The following C1orf198 variants were observed in gnomAD, a reference collection of about 807,000 sequenced individuals.
C1orf198 encodes the protein chromosome 1 open reading frame 198, also known as uncharacterized protein C1orf198.
Under a neutral mutation model 31.4 loss-of-function variants are expected in C1orf198, and 17 were observed. The observed-to-expected ratio is 0.54, with a 90% CI of 0.37 to 0.81. The LOEUF (loss-of-function observed/expected upper bound fraction) is 0.81. C1orf198 is among the 40% of genes least tolerant of loss of function. The pLI, the probability that C1orf198 is intolerant of heterozygous loss-of-function variation, is 0.00. For missense variants in C1orf198, 401 were observed against 450.3 expected, an observed-to-expected ratio of 0.89 and a Z score of 0.99; for synonymous variants, 175 against 193.8, an observed-to-expected ratio of 0.90 and a Z score of 0.81.
In C1orf198 at chr1:230,857,199, G is replaced by T. The variant is rs532625919; in HGVS notation, c.334-1481C>A. Among the ~76,000 whole-genome samples, 5 of 152,258 alleles carry T rather than the reference G, an allele frequency of 3.3e-5. No individual in the cohort carries two copies. Among genetic ancestry groups the T allele is most frequent in the Non-Finnish European group, 7.4e-5 (5 of 68,008 alleles). On this transcript the variant is annotated intron_variant, in intron 1 of 3. Transcript: ENST00000366663. The surrounding 1 kb of genome is among the most constrained non-coding windows in gnomAD (Gnocchi z 4.2). ...TGAAGGCCTATTCCCAAGAAGCGGGGACAGGGAAGGAAGTGTGTGATGACT... is the reference window on the plus strand; with the variant it reads ...TGAAGGCCTATTCCCAAGAAGCGGGTACAGGGAAGGAAGTGTGTGATGACT...
chr1:230,859,730 C>A (rs955394356), intron 1 of C1orf198, among the ~76,000 whole-genome samples: 1 of 152,184 alleles, frequency 6.6e-6, no homozygotes, highest in Admixed American at 6.5e-5. Flanking sequence ...CACACACAAA[C>A]AATCTTTTTC....
intron 3 of C1orf198, among the ~76,000 whole-genome samples, chr1:230,841,233 G>A (rs778558759): frequency 1.4e-4 from 21 of 152,150 alleles, no homozygotes; most frequent in Non-Finnish European, 2.5e-4. Context: ...AAACAAGAGG[G>A]CTGAAAGCAC....
intron 1 of C1orf198, among the ~76,000 whole-genome samples, chr1:230,864,978 A>G (rs1488867421): frequency 6.6e-6 from 1 of 152,188 alleles, no homozygotes; most frequent in Non-Finnish European, 1.5e-5. Context: ...CCGAAACCCT[A>G]CTGCTGGAGG....
rs1225180208 is a variant in C1orf198 at position 230,843,445 on chromosome 1, G to T, written c.836C>A (p.Ala279Asp). 1 of 1,598,900 alleles carries T rather than the reference G, an allele frequency of 6.3e-7. No homozygotes were observed. Among genetic ancestry groups the T allele is most frequent in the East Asian group, 2.3e-5 (1 of 44,014 alleles). Residue 279 changes from alanine (A) to aspartate (D), a missense_variant, in exon 3 of 4, where the codon GCC (alanine) becomes GAC (aspartate). Transcript: ENST00000366663. The surrounding 1 kb of genome is among the most constrained non-coding windows in gnomAD (Gnocchi z 4.9). ...QAFSSALHEA[A>D]PSQLEGKLPS... ...CAGCTTCCCCTCGAGCTGGGAGGGG[G>T]CAGCCTCGTGCAGTGCACTGCTGAA... is the stretch of plus-strand genomic sequence containing the variant.
At chr1:230,863,168 C>T (rs1372161646) in intron 1 of C1orf198, among the ~76,000 whole-genome samples, 1 of 152,054 alleles carries the variant, frequency 6.6e-6, no homozygotes, top group Non-Finnish European at 1.5e-5. Context: ...ACTGGAAATA[C>T]AACACTGCAG....
chr1:230,849,708 G>C (rs1669691271), intron 2 of C1orf198, among the ~76,000 whole-genome samples: 1 of 152,220 alleles, frequency 6.6e-6, no homozygotes. Flanking sequence ...CTAACTGTTT[G>C]GCTTGGCAGC....
At chr1:230,844,304 G>T (rs1337037836) in intron 2 of C1orf198, among the ~76,000 whole-genome samples, 1 of 151,904 alleles carries the variant, frequency 6.6e-6, no homozygotes, top group African/African-American at 2.4e-5. Flanking sequence ...GTTTAAAAGG[G>T]TGTGGCACCT....
chr1:230,847,476 T>C (rs1281846276), intron 2 of C1orf198, among the ~76,000 whole-genome samples: 1 of 152,092 alleles, frequency 6.6e-6, no homozygotes, highest in African/African-American at 2.4e-5. Context: ...CATTAGGAGA[T>C]TGTGCAGCTG....
Position 230,857,289 on chromosome 1 carries a change from G to A in C1orf198, c.334-1571C>T, listed in dbSNP as rs566079232. Among the ~76,000 whole-genome samples the A allele has an allele frequency of 4.6e-5, 7 of 152,292 alleles. No homozygotes were observed. Among genetic ancestry groups the A allele is most frequent in the African/African-American group, 9.6e-5 (4 of 41,566 alleles). On this transcript the variant is annotated intron_variant, in intron 1 of 3. Coordinates refer to ENST00000366663, the MANE Select transcript of C1orf198 (RefSeq NM_032800.3). The surrounding 1 kb of genome is among the most constrained non-coding windows in gnomAD (Gnocchi z 4.2). ...GGGCAACACAGCAGGGCCTTTGTCC[G>A]CTTCTCTATCCCAAGTGCCCGGAAG...
At chr1:230,844,816 A>G (rs1406767526) in intron 2 of C1orf198, among the ~76,000 whole-genome samples, 1 of 152,190 alleles carries the variant, frequency 6.6e-6, no homozygotes, top group Non-Finnish European at 1.5e-5. Context: ...TATGCCCCAC[A>G]TCTGAGCACC....
At chr1:230,859,807 C>T (rs1669968045) in intron 1 of C1orf198, among the ~76,000 whole-genome samples, 1 of 152,150 alleles carries the variant, frequency 6.6e-6, no homozygotes, top group African/African-American at 2.4e-5. Context: ...TCAGTGTGCA[C>T]CTCCTAAATC....
chr1:230,862,558 C>A (rs1250230049), intron 1 of C1orf198, among the ~76,000 whole-genome samples: 1 of 152,188 alleles, frequency 6.6e-6, no homozygotes, highest in Admixed American at 6.5e-5. Context: ...CCAAGCCATA[C>A]AAAGACATGG....
In C1orf198 at chr1:230,840,055, C is replaced by T. The variant is rs992922743; in HGVS notation, c.928-147G>A. ...TCCCTGACCTCAATTTATCTCAGTG[C>T]TTGAAATCAGAAGATTAAATACAGT... On this transcript the variant is annotated intron_variant, in intron 3 of 3. Coordinates refer to ENST00000366663, the MANE Select transcript of C1orf198 (RefSeq NM_032800.3). The surrounding 1 kb of genome is among the most constrained non-coding windows in gnomAD (Gnocchi z 4.0). The T allele has an allele frequency of 1.5e-6, 1 of 650,186 alleles. No homozygotes were observed. Among genetic ancestry groups the T allele is most frequent in the Non-Finnish European group, 2.6e-6 (1 of 383,964 alleles). The allele number at this position is 650,186 out of a possible 1,614,324, so 40.3% of individuals were successfully genotyped here.
chr1:230,854,156 T>C (rs1189593466), intron 2 of C1orf198, among the ~76,000 whole-genome samples: 3 of 152,222 alleles, frequency 2.0e-5, no homozygotes, highest in Admixed American at 6.5e-5. Flanking sequence ...TTTGCCTTTA[T>C]CACTATGATA....
Position 230,839,225 on chromosome 1 carries a change from C to G in C1orf198, c.*627G>C, listed in dbSNP as rs1262445066. The G allele has an allele frequency of 1.3e-5, 2 of 152,524 alleles. No homozygotes were observed. Among genetic ancestry groups the G allele is most frequent in the East Asian group, 3.8e-4 (2 of 5,206 alleles). The allele number at this position is 152,524 out of a possible 1,614,324, so 9.4% of individuals were successfully genotyped here. A position where few individuals can be genotyped will look rare whatever the true frequency, so the allele number is the denominator to read the frequency against. ...TCCATACTCTGAATATGTATCAGAG[C>G]AGGTTAAAGACTACACTGCTACATA... On this transcript the variant is annotated 3_prime_UTR_variant, in exon 4 of 4. Transcript: ENST00000366663.
At chr1:230,861,515 C>T (rs78809430) in intron 1 of C1orf198, among the ~76,000 whole-genome samples, 21,996 of 152,208 alleles carry the variant, frequency 0.14, 1,911 homozygotes, top group East Asian at 0.38. Context: ...CCATATAGCG[C>T]GGTGCCCAGA....
At chr1:230,858,158 C>A (rs1423503734) in intron 1 of C1orf198, among the ~76,000 whole-genome samples, 1 of 152,180 alleles carries the variant, frequency 6.6e-6, no homozygotes, top group African/African-American at 2.4e-5. Flanking sequence ...CTAGCAGAGG[C>A]AGAGGGCCAG....
At chr1:230,867,751 C>T (rs1035376645) in intron 1 of C1orf198, among the ~76,000 whole-genome samples, 2 of 152,172 alleles carry the variant, frequency 1.3e-5, no homozygotes, top group South Asian at 2.1e-4. Flanking sequence ...TTATTACCCC[C>T]GTTTTACACA....
At chr1:230,845,422 G>A (rs372158140) in intron 2 of C1orf198, among the ~76,000 whole-genome samples, 8 of 151,332 alleles carry the variant, frequency 5.3e-5, no homozygotes, top group Non-Finnish European at 8.8e-5. Flanking sequence ...GATGGCTCAC[G>A]CCTGTAATCC....
Sources: allele counts gnomAD v4.1 joint callset (sites outside exome capture counted in the v4.1 genomes callset), GRCh38; gene constraint gnomAD v4.1.1; non-coding constraint Gnocchi (gnomAD v3.1); transcripts MANE v1.5; gene names NCBI Gene and HGNC (gene_info 2026-07-23, HGNC 2026-07-21).